PDZRN4: variants seen among roughly 807,000 people sequenced by gnomAD.
The protein encoded by PDZRN4 is PDZ domain containing ring finger 4.
In PDZRN4, 70 loss-of-function variants were observed where a neutral mutation model predicts 99.0. The ratio of observed to expected loss-of-function variants is 0.71; its 90% CI spans 0.58 to 0.86. The LOEUF is 0.86. Among genes scored for constraint, PDZRN4 ranks in the 40% least tolerant of loss-of-function variants. PDZRN4 has a pLI of 0.00. For missense variants in PDZRN4, 1,474 were observed against 1,331.2 expected, an observed-to-expected ratio of 1.11 and a Z score of -1.67; for synonymous variants, 551 against 501.6, an observed-to-expected ratio of 1.10 and a Z score of -1.32.
intron 3 of PDZRN4, among the ~76,000 whole-genome samples, chr12:41,222,130 C>A (rs1419997394): frequency 6.6e-6 from 1 of 152,156 alleles, no homozygotes; most frequent in Non-Finnish European, 1.5e-5. Flanking sequence ...TCTGTACTGC[C>A]TTTTCCATAT....
At chr12:41,512,268 C>T (rs1323605126) in intron 5 of PDZRN4, among the ~76,000 whole-genome samples, 1 of 152,054 alleles carries the variant, frequency 6.6e-6, no homozygotes, top group Non-Finnish European at 1.5e-5. Context: ...GTGGAAGGAG[C>T]TTCTAGGAGA....
intron 3 of PDZRN4, among the ~76,000 whole-genome samples, chr12:41,281,922 C>T (rs564917769): frequency 2.9e-4 from 44 of 152,218 alleles, no homozygotes; most frequent in African/African-American, 1.0e-3. Flanking sequence ...AAAAACATAC[C>T]GAAATGTAAA....
intron 3 of PDZRN4, among the ~76,000 whole-genome samples, chr12:41,449,732 A>G (rs1952759741): frequency 6.6e-6 from 1 of 152,250 alleles, no homozygotes; most frequent in Admixed American, 6.5e-5. Context: ...ATATCTGTGT[A>G]AAATTAAATG....
intron 3 of PDZRN4, among the ~76,000 whole-genome samples, chr12:41,275,247 C>T (rs866785820): frequency 3.9e-5 from 6 of 152,104 alleles, no homozygotes; most frequent in South Asian, 2.1e-4. Flanking sequence ...TTCAGATAGC[C>T]TCTGTCTTAC....
chr12:41,493,135 T>G (rs1000324277), intron 3 of PDZRN4, among the ~76,000 whole-genome samples: 2 of 152,202 alleles, frequency 1.3e-5, no homozygotes, highest in Non-Finnish European at 2.9e-5. Context: ...AAGCCACAAG[T>G]TAGCTGCATG....
chr12:41,573,849 A>T lies in PDZRN4; in HGVS notation c.3070A>T (p.Thr1024Ser), dbSNP rs1367570577. 1.9e-6 allele frequency: 3 copies of T among 1,594,116 alleles called. No individual in the cohort carries two copies. In the Admixed American group the frequency reaches 5.3e-5, roughly 28 times the overall value. Residue 1024 changes from threonine (T) to serine (S), a missense_variant, in exon 10 of 10, where the codon ACG becomes TCG. Transcript: ENST00000402685. ...MTHGAKSPDG[T>S]RVHNAFLSVT... ...CCATGGGGCCAAGTCTCCAGATGGC[A>T]CGAGAGTCCATAATGCCTTCTTGTC...
chr12:41,224,251 G>A (rs1264458852), intron 3 of PDZRN4, among the ~76,000 whole-genome samples: 3 of 152,068 alleles, frequency 2.0e-5, no homozygotes, highest in Admixed American at 6.6e-5. Context: ...TATTAACCCC[G>A]TTTTACAAAT....
rs147512568 is a variant in PDZRN4 at position 41,290,242 on chromosome 12, A to T, written c.843+96054A>T. Among the ~76,000 whole-genome samples, 32 of 152,340 alleles carry T rather than the reference A, an allele frequency of 2.1e-4. No individual in the cohort carries two copies. In the East Asian group the frequency reaches 6.2e-3, roughly 29 times the overall value. On this transcript the variant is annotated intron_variant, in intron 3 of 9. Transcript: ENST00000402685. ...TACTTAGGGAAGACAGATTTTTAAT[A>T]AAAAACTTTCAAAGCAAAATATCAA... is the stretch of plus-strand genomic sequence containing the variant.
At chr12:41,433,800 T>C (rs995846149) in intron 3 of PDZRN4, among the ~76,000 whole-genome samples, 11 of 152,252 alleles carry the variant, frequency 7.2e-5, no homozygotes, top group Admixed American at 2.6e-4. Context: ...AATTATGTAC[T>C]ACATTGGCAG....
At chr12:41,431,422 G>A (rs1952585001) in intron 3 of PDZRN4, among the ~76,000 whole-genome samples, 1 of 152,168 alleles carries the variant, frequency 6.6e-6, no homozygotes, top group African/African-American at 2.4e-5. Context: ...CAGGGAAACT[G>A]AGACTTGACC....
At chr12:41,196,393 A>G (rs1031377386) in intron 3 of PDZRN4, among the ~76,000 whole-genome samples, 1 of 152,140 alleles carries the variant, frequency 6.6e-6, no homozygotes, top group Non-Finnish European at 1.5e-5. Flanking sequence ...TTATGTATAT[A>G]TGCTATAGTT....
At chr12:41,553,527 C>CA (rs34859944) in intron 6 of PDZRN4, among the ~76,000 whole-genome samples, 31 of 146,938 alleles carry the variant, frequency 2.1e-4, no homozygotes, top group East Asian at 4.0e-4. Flanking sequence ...TCTGTCTCTA[C>CA]AAAAAAAAAA....
intron 3 of PDZRN4, among the ~76,000 whole-genome samples, chr12:41,261,128 A>G (rs1951236561): frequency 6.6e-6 from 1 of 152,110 alleles, no homozygotes; most frequent in Non-Finnish European, 1.5e-5. Context: ...CTCTTGGTTT[A>G]TTAGGGATAT....
intron 3 of PDZRN4, among the ~76,000 whole-genome samples, chr12:41,396,899 T>C (rs1290388297): frequency 6.6e-6 from 1 of 152,180 alleles, no homozygotes; most frequent in African/African-American, 2.4e-5. Context: ...ATTAAGTGTG[T>C]GCACAGTGAG....
chr12:41,311,880 A>C (rs1485033369), intron 3 of PDZRN4, among the ~76,000 whole-genome samples: 1 of 152,216 alleles, frequency 6.6e-6, no homozygotes, highest in Non-Finnish European at 1.5e-5. Context: ...CTTTATAAAA[A>C]GTTATTGCAA....
In PDZRN4 at chr12:41,452,244, A is replaced by G. The variant is rs1328984688; in HGVS notation, c.844-54212A>G. Among the ~76,000 whole-genome samples, 3 of 150,700 alleles carry G rather than the reference A, an allele frequency of 2.0e-5. No individual in the cohort carries two copies. The East Asian group carries it at 5.9e-4, about 30-fold the overall frequency. On this transcript the variant is annotated intron_variant, in intron 3 of 9. Transcript: ENST00000402685. ...GGAGATTGAGACTATTCTGGCTAAC[A>G]CGGTGAAACCCTGTCTCTACTAAAA...
At chr12:41,263,964 C>T (rs1017892905) in intron 3 of PDZRN4, among the ~76,000 whole-genome samples, 2 of 152,152 alleles carry the variant, frequency 1.3e-5, no homozygotes, top group African/African-American at 4.8e-5. Context: ...TGGCCCAAAA[C>T]TGACTCCATG....
intron 3 of PDZRN4, among the ~76,000 whole-genome samples, chr12:41,381,515 A>G (rs373280446): frequency 2.0e-5 from 3 of 152,120 alleles, no homozygotes; most frequent in Non-Finnish European, 1.5e-5. Flanking sequence ...GTGTGCTATC[A>G]TGGGTCTCTA....
chr12:41,325,817 G>T (rs1054228755), intron 3 of PDZRN4, among the ~76,000 whole-genome samples: 5 of 152,040 alleles, frequency 3.3e-5, no homozygotes, highest in African/African-American at 1.2e-4. Context: ...ACTATGATAA[G>T]AAATAAATAG....
Sources: allele counts gnomAD v4.1 joint callset (sites outside exome capture counted in the v4.1 genomes callset), GRCh38; gene constraint gnomAD v4.1.1; transcripts MANE v1.5; gene names NCBI Gene and HGNC (gene_info 2026-07-23, HGNC 2026-07-21).